Variants in CASTOR2 observed in about 807,000 individuals in gnomAD.
The protein encoded by CASTOR2 is GATS protein like 2.
CASTOR2 carries 8 observed loss-of-function variants against 31.2 expected under a neutral mutation model. That is an observed-to-expected ratio of 0.26 (90% CI 0.15 to 0.46). The LOEUF (loss-of-function observed/expected upper bound fraction) is 0.46. Ranked by LOEUF, CASTOR2 falls within the 20% of genes least tolerant of loss-of-function variation. The probability of loss-of-function intolerance (pLI) is 0.99; values close to 1 mark genes in which losing one functional copy is unlikely to be tolerated. For synonymous variants in CASTOR2, 162 were observed against 158.7 expected, an observed-to-expected ratio of 1.02 and a Z score of -0.16; for missense variants, 216 against 382.1, an observed-to-expected ratio of 0.57 and a Z score of 3.62.
chr7:74,987,779 G>C (rs1221250510), intron 1 of CASTOR2, among the ~76,000 whole-genome samples: 3 of 151,940 alleles, frequency 2.0e-5, no homozygotes, highest in Admixed American at 1.3e-4. Flanking sequence ...CGTGATATCG[G>C]CTCACTGCAA....
intron 1 of CASTOR2, among the ~76,000 whole-genome samples, chr7:75,002,557 G>A (rs1360431606): frequency 1.3e-5 from 2 of 152,094 alleles, no homozygotes; most frequent in African/African-American, 4.8e-5. Context: ...AGAGGCAGAG[G>A]TTGCAGTGAG....
intron 7 of CASTOR2, among the ~76,000 whole-genome samples, chr7:75,023,553 G>C (rs932348095): frequency 1.3e-5 from 2 of 149,668 alleles, no homozygotes; most frequent in South Asian, 2.1e-4. Flanking sequence ...CGCCTCCTGG[G>C]TTCAGCCTCC....
At chr7:75,014,307 C>T (rs1804815852) in intron 2 of CASTOR2, among the ~76,000 whole-genome samples, 1 of 151,088 alleles carries the variant, frequency 6.6e-6, no homozygotes, top group Non-Finnish European at 1.5e-5. Flanking sequence ...GGCAAGGTGG[C>T]TGACACCTGT....
Position 75,022,048 on chromosome 7 carries a change from G to A in CASTOR2, c.829+92G>A, listed in dbSNP as rs906991489. The A allele has an allele frequency of 4.7e-5, 68 of 1,446,760 alleles. 1 individual carries two copies. The highest frequency in any genetic ancestry group is 6.1e-5 in the Non-Finnish European group (64 of 1,051,954). The allele number at this position is 1,446,760 out of a possible 1,614,324, so 89.6% of individuals were successfully genotyped here. A position where few individuals can be genotyped will look rare whatever the true frequency, so the allele number is the denominator to read the frequency against. ...TGTCCGCAGTGACTCGGCCCCTGCT[G>A]GGGGGTACAGATGGGGAGACTGAGG... is the stretch of plus-strand genomic sequence containing the variant. On this transcript the variant is annotated intron_variant, in intron 7 of 8. Coordinates refer to ENST00000616305, the MANE Select transcript of CASTOR2 (RefSeq NM_001145064.3).
intron 1 of CASTOR2, among the ~76,000 whole-genome samples, chr7:74,984,902 C>T (rs1391792754): frequency 3.9e-5 from 6 of 152,174 alleles, no homozygotes; most frequent in African/African-American, 1.4e-4. Flanking sequence ...GAGGCCGAGG[C>T]AGTCAGATCA....
chr7:75,018,927 C>T, intron 4 of CASTOR2, 45 bp from the exon 5 acceptor site: 1 of 1,551,692 alleles, frequency 6.4e-7, no homozygotes, highest in South Asian at 1.2e-5. Context: ...AGAGCTGCTG[C>T]TTTCAGTCCC....
intron 1 of CASTOR2, among the ~76,000 whole-genome samples, chr7:74,972,602 A>G (rs1257130608): frequency 4.7e-5 from 7 of 149,706 alleles, no homozygotes; most frequent in African/African-American, 1.5e-4. Flanking sequence ...TTTGGCCTGC[A>G]CTGGGTCATT....
At chr7:75,020,016 T>A in intron 5 of CASTOR2, 23 bp from the exon 6 acceptor site, 1 of 1,550,346 alleles carries the variant, frequency 6.5e-7, no homozygotes. Context: ...GCCCCATCTT[T>A]ACCAGCTGCC....
rs1433220226 is a variant in CASTOR2, at chr7:75,031,107, G to A, written c.*6408G>A. On this transcript the variant is annotated 3_prime_UTR_variant, in exon 9 of 9. Coordinates refer to ENST00000616305, the MANE Select transcript of CASTOR2 (RefSeq NM_001145064.3). ...AGCAGAGTTCCCTCTAAAAGAGTAGGGAGCTGATAACAGTCCCAAGCCCTC... is the reference window on the plus strand; with the variant it reads ...AGCAGAGTTCCCTCTAAAAGAGTAGAGAGCTGATAACAGTCCCAAGCCCTC... Among the ~76,000 whole-genome samples the A allele has an allele frequency of 3.3e-5, 5 of 152,304 alleles. No homozygotes were observed. The highest frequency in any genetic ancestry group is 3.9e-4 in the East Asian group (2 of 5,176).
At chr7:74,985,937 G>A (rs1410317460) in intron 1 of CASTOR2, among the ~76,000 whole-genome samples, 26 of 151,994 alleles carry the variant, frequency 1.7e-4, no homozygotes, top group African/African-American at 6.0e-4. Context: ...TATTTATTTG[G>A]ATTTTTTTGA....
At chr7:74,990,358 A>G (rs1804177195) in intron 1 of CASTOR2, among the ~76,000 whole-genome samples, 1 of 150,154 alleles carries the variant, frequency 6.7e-6, no homozygotes, top group Non-Finnish European at 1.5e-5. Flanking sequence ...ACTGCACTCC[A>G]GCCTGGATGG....
At position 75,011,011 on chromosome 7, in the gene CASTOR2, C is replaced by T. The variant is rs1172706658; in HGVS notation, c.184+2947C>T. On this transcript the variant is annotated intron_variant, in intron 2 of 8. Transcript: ENST00000616305. ...GGGATTATAGGCACCCACCACCATG[C>T]CCGGCTAATTTTTTTGTATTTTTAG... Among the ~76,000 whole-genome samples, 164 of 152,142 alleles carry T rather than the reference C, an allele frequency of 1.1e-3. 3 individuals carry two copies. The South Asian group carries it at 0.016, about 15-fold the overall frequency.
Position 75,027,919 on chromosome 7 carries a change from A to AG in CASTOR2, c.*3223dup. The AG allele has an allele frequency of 8.5e-7, 1 of 1,170,182 alleles. No homozygotes were observed. Among genetic ancestry groups the AG allele is most frequent in the Non-Finnish European group, 1.2e-6 (1 of 815,944 alleles). The allele number at this position is 1,170,182 out of a possible 1,614,324, so 72.5% of individuals were successfully genotyped here. A position where few individuals can be genotyped will look rare whatever the true frequency, so the allele number is the denominator to read the frequency against. On this transcript the variant is annotated 3_prime_UTR_variant, in exon 9 of 9. Transcript: ENST00000616305. ...GCTATCTCCTGGTCTGCTGGGTGGG[A>AG]GGGTCTCTCCAGGCCCCAGACCCCA...
chr7:74,986,412 G>A (rs1241298969), intron 1 of CASTOR2, among the ~76,000 whole-genome samples: 1 of 151,528 alleles, frequency 6.6e-6, no homozygotes, highest in East Asian at 2.0e-4. Flanking sequence ...ATTACTTGAA[G>A]CCGGGAGGTG....
chr7:75,015,505 T>G (rs1450367544), intron 2 of CASTOR2, among the ~76,000 whole-genome samples: 1 of 152,050 alleles, frequency 6.6e-6, no homozygotes, highest in Non-Finnish European at 1.5e-5. Flanking sequence ...CTCAAATTCC[T>G]GGCCTCAAGC....
intron 1 of CASTOR2, among the ~76,000 whole-genome samples, chr7:75,004,092 G>A (rs1804556925): frequency 6.6e-6 from 1 of 152,134 alleles, no homozygotes; most frequent in African/African-American, 2.4e-5. Flanking sequence ...TGCCTCCCCG[G>A]GGCTCTCGGG....
Position 75,027,914 on chromosome 7 carries a change from G to T in CASTOR2, c.*3215G>T. 1 of 1,137,704 alleles carries T rather than the reference G, an allele frequency of 8.8e-7. No individual in the cohort carries two copies. Among genetic ancestry groups the T allele is most frequent in the Non-Finnish European group, 1.3e-6 (1 of 785,948 alleles). 70.5% of individuals were successfully genotyped at this position (1,137,704 alleles called of 1,614,324 possible). On this transcript the variant is annotated 3_prime_UTR_variant, in exon 9 of 9. Coordinates refer to ENST00000616305, the MANE Select transcript of CASTOR2 (RefSeq NM_001145064.3). The stretch of plus-strand genomic sequence containing the variant: ...CCCCAGCTATCTCCTGGTCTGCTGG[G>T]TGGGAGGGTCTCTCCAGGCCCCAGA...
chr7:75,006,168 C>T (rs1469358867), intron 1 of CASTOR2, among the ~76,000 whole-genome samples: 18 of 152,212 alleles, frequency 1.2e-4, no homozygotes, highest in Admixed American at 1.2e-3. Context: ...CCTGTAGTTC[C>T]AGCTACTCAG....
intron 2 of CASTOR2, 92 bp downstream of exon 2, chr7:75,008,156 C>T (rs1478863617): frequency 1.3e-5 from 19 of 1,503,166 alleles, no homozygotes; most frequent in Non-Finnish European, 1.8e-5. Flanking sequence ...CCGCCCACCT[C>T]CTTATTTCTG....
Sources: gnomAD v4.1 joint callset for allele counts (sites outside exome capture counted in the v4.1 genomes callset) on GRCh38, gnomAD v4.1.1 for gene constraint, MANE v1.5 for transcripts, NCBI Gene and HGNC (gene_info 2026-07-23, HGNC 2026-07-21) for gene names.